Variants in SIRT5 observed in about 807,000 individuals in gnomAD.
The protein encoded by SIRT5 is sirtuin 5.
SIRT5 carries 26 observed loss-of-function variants against 40.0 expected under a neutral mutation model. The observed-to-expected ratio is 0.65, with a 90% CI of 0.48 to 0.90. The LOEUF (loss-of-function observed/expected upper bound fraction) is 0.90, where lower values mean the gene tolerates loss of function less well. Ranked by LOEUF, SIRT5 falls within the 40% of genes least tolerant of loss-of-function variation. The probability of loss-of-function intolerance (pLI) is 0.00; values close to 1 mark genes in which losing one functional copy is unlikely to be tolerated. For missense variants in SIRT5, 401 were observed against 402.4 expected, an observed-to-expected ratio of 1.00 and a Z score of 0.03; for synonymous variants, 146 against 149.1, an observed-to-expected ratio of 0.98 and a Z score of 0.15.
chr6:13,584,203 G>GA lies in SIRT5; in HGVS notation c.97dup (p.Met33AsnfsTer30). 2 of 1,614,074 alleles carry GA rather than the reference G, an allele frequency of 1.2e-6. No homozygotes were observed. Among genetic ancestry groups the GA allele is most frequent in the Non-Finnish European group, 1.7e-6 (2 of 1,179,964 alleles). ...CGTCCACACGAAACCAGATTTGCCTGAAAATGGCTCGGCCAAGTTCAAGTA... is the reference window on the plus strand; with the variant it reads ...CGTCCACACGAAACCAGATTTGCCTGAAAAATGGCTCGGCCAAGTTCAAGTA... On this transcript the variant is annotated frameshift_variant, in exon 3 of 10. Coordinates refer to ENST00000606117, the MANE Select transcript of SIRT5 (RefSeq NM_012241.5). LOFTEE classifies it high-confidence loss of function.
intron 1 of SIRT5, among the ~76,000 whole-genome samples, chr6:13,575,827 C>T (rs1758553973): frequency 1.3e-5 from 2 of 152,134 alleles, no homozygotes; most frequent in South Asian, 2.1e-4. Flanking sequence ...TCTGCCAGGC[C>T]CCTGGTAACC....
intron 3 of SIRT5, among the ~76,000 whole-genome samples, chr6:13,584,610 A>G (rs963818358): frequency 1.3e-5 from 2 of 152,018 alleles, no homozygotes; most frequent in African/African-American, 2.4e-5. Context: ...CAGCCTCCCA[A>G]AGTGCTGGGA....
At chr6:13,592,031 T>G (rs369957995) in intron 5 of SIRT5, 137 bp downstream of exon 5, 5 of 875,612 alleles carry the variant, frequency 5.7e-6, no homozygotes, top group East Asian at 5.5e-5. Flanking sequence ...GGCATTTCCT[T>G]TGGGGACATG....
intron 2 of SIRT5, among the ~76,000 whole-genome samples, chr6:13,580,151 G>T (rs1315953992): frequency 6.6e-6 from 1 of 152,142 alleles, no homozygotes; most frequent in Non-Finnish European, 1.5e-5. Flanking sequence ...GTAACTTTAG[G>T]CAGCCAGACA....
intron 9 of SIRT5, 85 bp downstream of exon 9, chr6:13,601,034 AT>A: frequency 9.9e-7 from 1 of 1,009,674 alleles, no homozygotes; most frequent in Non-Finnish European, 1.5e-6. Context: ...TACTCCTCTA[AT>A]TTTTAAAAAA....
chr6:13,610,109 A>G (rs1362125691), intron 9 of SIRT5, among the ~76,000 whole-genome samples: 1 of 152,096 alleles, frequency 6.6e-6, no homozygotes, highest in Non-Finnish European at 1.5e-5. Flanking sequence ...TGGGACTACA[A>G]GCTCGTGTCA....
chr6:13,611,238 C>CAT (rs1554219267), intron 9 of SIRT5, among the ~76,000 whole-genome samples: 6 of 116,374 alleles, frequency 5.2e-5, no homozygotes, highest in African/African-American at 2.1e-4. Flanking sequence ...TATATATATA[C>CAT]ACACACACAT....
At chr6:13,597,349 C>G (rs755054385) in intron 7 of SIRT5, among the ~76,000 whole-genome samples, 4 of 149,020 alleles carry the variant, frequency 2.7e-5, no homozygotes, top group African/African-American at 5.0e-5. Context: ...AATAACATCA[C>G]TGGCATTATT....
At position 13,586,272 on chromosome 6, in the gene SIRT5, C is replaced by A. The variant is rs573549011; in HGVS notation, c.115+2047C>A. ...ATTAGATCCCATTTGTCTATTTTGG[C>A]TTTTGTTGCCATTGCTTTTGGTGTT... On this transcript the variant is annotated intron_variant, in intron 3 of 9. Coordinates refer to ENST00000606117, the MANE Select transcript of SIRT5 (RefSeq NM_012241.5). Among the ~76,000 whole-genome samples, 12 of 152,266 alleles carry A rather than the reference C, an allele frequency of 7.9e-5. No individual in the cohort carries two copies. The East Asian group carries it at 2.3e-3, about 29-fold the overall frequency.
intron 9 of SIRT5, among the ~76,000 whole-genome samples, chr6:13,608,597 AAAAGAG>A (rs1763420713): frequency 6.6e-6 from 1 of 152,034 alleles, no homozygotes. Flanking sequence ...AAAAAAAAAA[AAAAGAG>A]AGAGAGAAAG....
chr6:13,588,463 A>G lies in SIRT5; in HGVS notation c.248A>G (p.Gln83Arg), dbSNP rs746867240. The G allele has an allele frequency of 2.5e-6, 4 of 1,613,128 alleles. No individual in the cohort carries two copies. In the East Asian group the frequency reaches 6.7e-5, roughly 27 times the overall value. The change falls in exon 4 of 10, where the codon CAG becomes CGG. Residue 83 changes from glutamine (Q) to arginine (R), a missense_variant and splice_region_variant. Physicochemically the swap from Gln to Arg is conservative, Grantham distance 43. Coordinates refer to ENST00000606117, the MANE Select transcript of SIRT5 (RefSeq NM_012241.5). ...GGTTATTGGAGAAAATGGCAAGCCC[A>G]GGTTTGTAAAGTTTCCAGAACATTA... The part of the protein sequence containing the change: ...AGGYWRKWQA[Q>R]DLATPLAFAH...
chr6:13,606,088 T>C (rs1230129775), intron 9 of SIRT5, among the ~76,000 whole-genome samples: 2 of 152,184 alleles, frequency 1.3e-5, no homozygotes, highest in African/African-American at 2.4e-5. Flanking sequence ...GAACATAAGG[T>C]ACACATTCTA....
chr6:13,612,031 C>G lies in SIRT5; in HGVS notation c.*166C>G, dbSNP rs1467141094. 1.9e-6 allele frequency: 1 copy of G among 518,240 alleles called. No individual in the cohort carries two copies. The highest frequency in any genetic ancestry group is 2.9e-5 in the East Asian group (1 of 35,018). 32.1% of individuals were successfully genotyped at this position (518,240 alleles called of 1,614,324 possible). A position where few individuals can be genotyped will look rare whatever the true frequency, so the allele number is the denominator to read the frequency against. ...ATAAGTGATGGGGGTTTAGAAGTAG[C>G]AAAGAGCACCCACATTCAAAAGTCA... On this transcript the variant is annotated 3_prime_UTR_variant, in exon 10 of 10. Coordinates refer to ENST00000606117, the MANE Select transcript of SIRT5 (RefSeq NM_012241.5).
chr6:13,609,273 A>G (rs974727275), intron 9 of SIRT5, among the ~76,000 whole-genome samples: 1 of 152,202 alleles, frequency 6.6e-6, no homozygotes, highest in Non-Finnish European at 1.5e-5. Context: ...GTATTCTGTC[A>G]AGATCAGGTT....
intron 7 of SIRT5, 146 bp from the exon 8 acceptor site, chr6:13,598,885 AT>A: frequency 1.3e-6 from 1 of 767,714 alleles, no homozygotes; most frequent in Non-Finnish European, 2.0e-6. Flanking sequence ...AGGCAAGTTT[AT>A]ATAGGCTGGG....
chr6:13,583,339 C>T (rs1419738853), intron 2 of SIRT5, among the ~76,000 whole-genome samples: 8 of 139,880 alleles, frequency 5.7e-5, no homozygotes, highest in East Asian at 4.2e-4. Flanking sequence ...TTGTTGCCCA[C>T]GCTGGAGTGC....
At chr6:13,595,647 C>G in intron 6 of SIRT5, 83 bp downstream of exon 6, 1 of 1,030,874 alleles carries the variant, frequency 9.7e-7, no homozygotes, top group South Asian at 1.3e-5. Flanking sequence ...GAACATTCAT[C>G]AAAGATTCCC....
At chr6:13,593,911 T>C (rs1761256439) in intron 5 of SIRT5, among the ~76,000 whole-genome samples, 1 of 152,212 alleles carries the variant, frequency 6.6e-6, no homozygotes, top group Admixed American at 6.5e-5. Context: ...GTCTGTGTTT[T>C]CCATGCAGTT....
At chr6:13,596,467 T>C (rs1264229280) in intron 6 of SIRT5, among the ~76,000 whole-genome samples, 2 of 151,750 alleles carry the variant, frequency 1.3e-5, no homozygotes. Context: ...ATGCATTCCC[T>C]CACTGGCAGT....
Sources: allele counts gnomAD v4.1 joint callset (sites outside exome capture counted in the v4.1 genomes callset), GRCh38; gene constraint gnomAD v4.1.1; transcripts MANE v1.5; gene names NCBI Gene and HGNC (gene_info 2026-07-23, HGNC 2026-07-21).